Variants in MARCHF1 observed in about 807,000 individuals in gnomAD.
MARCHF1 encodes E3 ubiquitin-protein ligase MARCHF1.
MARCHF1 carries 40 observed loss-of-function variants against 54.2 expected under a neutral mutation model. The observed-to-expected ratio is 0.74, with a 90% CI of 0.57 to 0.96. The LOEUF is 0.96. Among genes scored for constraint, MARCHF1 ranks in the 40% least tolerant of loss-of-function variants. The probability of loss-of-function intolerance (pLI) is 0.00; values close to 1 mark genes in which losing one functional copy is unlikely to be tolerated. For missense variants in MARCHF1, 586 were observed against 656.5 expected (o/e 0.89, Z 1.17); for synonymous variants, 236 against 236.3 (o/e 1.00, Z 0.01).
At chr4:164,300,154 C>G (rs1391317164) in intron 1 of MARCHF1, among the ~76,000 whole-genome samples, 1 of 151,884 alleles carries the variant, frequency 6.6e-6, no homozygotes, top group Non-Finnish European at 1.5e-5. Context: ...CTCTTCCTCT[C>G]CTTCCTCCCT....
At chr4:163,636,113 C>G (rs1327086503) in intron 5 of MARCHF1, among the ~76,000 whole-genome samples, 1 of 152,166 alleles carries the variant, frequency 6.6e-6, no homozygotes, top group African/African-American at 2.4e-5. Context: ...TAAGAGCTAT[C>G]TATGACAAAC....
chr4:164,355,540 G>A (rs1223246679), intron 1 of MARCHF1, among the ~76,000 whole-genome samples: 2 of 100,626 alleles, frequency 2.0e-5, no homozygotes, highest in African/African-American at 3.5e-5. Flanking sequence ...AATAAATGGT[G>A]CTGGGAAAAC....
At chr4:164,250,648 A>G (rs374278638) in intron 1 of MARCHF1, among the ~76,000 whole-genome samples, 5 of 152,240 alleles carry the variant, frequency 3.3e-5, no homozygotes, top group East Asian at 1.9e-4. Context: ...TAAATTATTG[A>G]TAATTGATCA....
In MARCHF1 at chr4:164,352,344, T is replaced by C. The variant is rs374135028; in HGVS notation, c.-323+31526A>G. ...CAAAGTTGAAATGAAGGAAAAAATG[T>C]TAAGGGCAGCCAGAGAGAAAGGTCG... On this transcript the variant is annotated intron_variant, in intron 1 of 9. Transcript: ENST00000514618. Among the ~76,000 whole-genome samples the C allele has an allele frequency of 5.3e-3, 627 of 119,338 alleles. 4 individuals carry two copies. The highest frequency in any genetic ancestry group is 8.0e-3 in the Non-Finnish European group (440 of 54,804). 78.3% of individuals were successfully genotyped at this position (119,338 alleles called of 152,430 possible). A position where few individuals can be genotyped will look rare whatever the true frequency, so the allele number is the denominator to read the frequency against.
intron 1 of MARCHF1, among the ~76,000 whole-genome samples, chr4:164,336,557 G>C (rs972918154): frequency 6.6e-5 from 10 of 152,152 alleles, no homozygotes; most frequent in African/African-American, 2.4e-4. Context: ...TCAGTAACCA[G>C]TATATTGAAA....
At chr4:163,792,458 T>C (rs1223228496) in intron 4 of MARCHF1, among the ~76,000 whole-genome samples, 2 of 152,120 alleles carry the variant, frequency 1.3e-5, no homozygotes, top group African/African-American at 4.8e-5. Context: ...TACTTGCTGA[T>C]CTTCATAGTC....
chr4:163,982,278 C>T (rs1176060571), intron 3 of MARCHF1, among the ~76,000 whole-genome samples: 1 of 152,168 alleles, frequency 6.6e-6, no homozygotes, highest in East Asian at 1.9e-4. Flanking sequence ...AGAGAATTAG[C>T]CTTTCTACCC....
chr4:163,722,604 ATCTG>A (rs768664544), intron 4 of MARCHF1, among the ~76,000 whole-genome samples: 2 of 152,150 alleles, frequency 1.3e-5, no homozygotes, highest in African/African-American at 4.8e-5. Context: ...TGTCTCATTG[ATCTG>A]TCTAATGTTG....
intron 1 of MARCHF1, among the ~76,000 whole-genome samples, chr4:164,113,270 T>C (rs1272807208): frequency 6.6e-6 from 1 of 151,954 alleles, no homozygotes; most frequent in Non-Finnish European, 1.5e-5. Context: ...TCCAAACATA[T>C]GTTGTTATTG....
Position 164,018,729 on chromosome 4 carries a change from T to A in MARCHF1, c.-247-30020A>T, listed in dbSNP as rs373288372. Among the ~76,000 whole-genome samples the A allele has an allele frequency of 6.1e-4, 93 of 152,332 alleles. 1 individual carries two copies. In the South Asian group the frequency reaches 0.019, roughly 30 times the overall value. On this transcript the variant is annotated intron_variant, in intron 2 of 9. Transcript: ENST00000514618. Reference sequence around the variant, plus strand: ...TTGTATAATTGACATAACTTCTTGATAAATTAAACTTTCTGCCTTTTATTG... The same window carrying A: ...TTGTATAATTGACATAACTTCTTGAAAAATTAAACTTTCTGCCTTTTATTG...
In MARCHF1 at chr4:163,813,806, G is replaced by A. The variant is rs1478865938; in HGVS notation, c.111+40215C>T. Among the ~76,000 whole-genome samples, 4 of 152,274 alleles carry A rather than the reference G, an allele frequency of 2.6e-5. No individual in the cohort carries two copies. The East Asian group carries it at 7.7e-4, about 29-fold the overall frequency. Reference sequence around the variant, plus strand: ...TGTTGGGAGAAGCTGAGTGTTGGGAGAAGCTGAGGCAGGGCTTGCATGTCT... The same window carrying A: ...TGTTGGGAGAAGCTGAGTGTTGGGAAAAGCTGAGGCAGGGCTTGCATGTCT... On this transcript the variant is annotated intron_variant, in intron 4 of 9. Transcript: ENST00000514618.
chr4:163,791,289 T>C (rs987176010), intron 4 of MARCHF1, among the ~76,000 whole-genome samples: 1 of 152,160 alleles, frequency 6.6e-6, no homozygotes, highest in Non-Finnish European at 1.5e-5. Flanking sequence ...CTATTATATA[T>C]GGGTTTTCAT....
In MARCHF1 at chr4:163,876,776, G is replaced by T. The variant is rs184780352; in HGVS notation, c.-38-22607C>A. ...TGCTTTTTGACAGTCTACTGCTGATGATTTTCTACAATCTTGCATGTGCGT... is the reference window on the plus strand; with the variant it reads ...TGCTTTTTGACAGTCTACTGCTGATTATTTTCTACAATCTTGCATGTGCGT... On this transcript the variant is annotated intron_variant, in intron 3 of 9. Transcript: ENST00000514618. Among the ~76,000 whole-genome samples, 6 of 152,212 alleles carry T rather than the reference G, an allele frequency of 3.9e-5. No individual in the cohort carries two copies. In the South Asian group the frequency reaches 6.2e-4, roughly 16 times the overall value.
At chr4:163,644,032 C>G (rs567778529) in intron 5 of MARCHF1, among the ~76,000 whole-genome samples, 2 of 144,054 alleles carry the variant, frequency 1.4e-5, no homozygotes, top group South Asian at 4.5e-4. Context: ...TTATAATGCC[C>G]ACGCCTCTTC....
At chr4:164,121,808 C>G (rs1756072432) in intron 1 of MARCHF1, among the ~76,000 whole-genome samples, 1 of 152,018 alleles carries the variant, frequency 6.6e-6, no homozygotes, top group South Asian at 2.1e-4. Context: ...TATTCAAAAA[C>G]TAGAGAAGGA....
intron 3 of MARCHF1, among the ~76,000 whole-genome samples, chr4:163,948,140 A>T (rs1323039647): frequency 6.6e-6 from 1 of 152,234 alleles, no homozygotes. Context: ...GATCTATCTG[A>T]TGACAACAAG....
chr4:164,234,031 G>A (rs755666192), intron 1 of MARCHF1, among the ~76,000 whole-genome samples: 1 of 152,122 alleles, frequency 6.6e-6, no homozygotes, highest in Non-Finnish European at 1.5e-5. Context: ...AAGAATTTAT[G>A]TTTATCCATC....
intron 1 of MARCHF1, among the ~76,000 whole-genome samples, chr4:164,178,550 A>G (rs1730750070): frequency 6.6e-6 from 1 of 152,158 alleles, no homozygotes; most frequent in African/African-American, 2.4e-5. Context: ...TAACAGAGAA[A>G]CAATTATAAT....
chr4:163,830,464 A>C (rs1343188920), intron 4 of MARCHF1, among the ~76,000 whole-genome samples: 1 of 152,192 alleles, frequency 6.6e-6, no homozygotes, highest in East Asian at 1.9e-4. Context: ...CTCTCAGAGA[A>C]GTAGCGCAAG....
Sources: allele counts gnomAD v4.1 joint callset (sites outside exome capture counted in the v4.1 genomes callset), GRCh38; gene constraint gnomAD v4.1.1; transcripts MANE v1.5; gene names NCBI Gene and HGNC (gene_info 2026-07-23, HGNC 2026-07-21).